RECQL5: variants seen among roughly 807,000 people sequenced by gnomAD.
The protein encoded by RECQL5 is RecQ like helicase 5.
A neutral mutation model predicts 103.4 loss-of-function variants in RECQL5; 88 were observed. The observed-to-expected ratio is 0.85, with a 90% CI of 0.72 to 1.02. RECQL5 has a LOEUF of 1.02. Ranked by LOEUF, RECQL5 falls within the 50% of genes least tolerant of loss-of-function variation. RECQL5 has a pLI of 0.00. For missense variants in RECQL5, 1,232 were observed against 1,284.3 expected, an observed-to-expected ratio of 0.96 and a Z score of 0.62; for synonymous variants, 552 against 507.9, an observed-to-expected ratio of 1.09 and a Z score of -1.17.
In RECQL5 at chr17:75,666,537, G is replaced by C. The variant is rs1309853679; in HGVS notation, c.21C>G (p.Thr7=). The C allele has an allele frequency of 3.1e-6, 5 of 1,614,096 alleles. No individual in the cohort carries two copies. Among genetic ancestry groups the C allele is most frequent in the Non-Finnish European group, 4.2e-6 (5 of 1,180,024 alleles). Residue 7 remains threonine (T), a synonymous_variant, in exon 2 of 20, where the codon ACC becomes ACG. Coordinates refer to ENST00000317905, the MANE Select transcript of RECQL5 (RefSeq NM_004259.7). MSSHHT[T]FPFDPERRVR... is the part of the protein sequence containing the mutation. ...CTCGCCGCTCAGGGTCAAAAGGAAA[G>C]GTGGTATGGTGGCTGCTCATCTTAG...
intron 4 of RECQL5, among the ~76,000 whole-genome samples, 186 bp downstream of exon 4, chr17:75,662,293 G>C (rs2059709934): frequency 1.3e-5 from 2 of 152,246 alleles, no homozygotes; most frequent in Non-Finnish European, 2.9e-5. Context: ...ACAGGATCCA[G>C]AACAAGGAAA....
At chr17:75,665,376 T>C (rs1439281684) in intron 2 of RECQL5, among the ~76,000 whole-genome samples, 2 of 152,156 alleles carry the variant, frequency 1.3e-5, no homozygotes, top group African/African-American at 4.8e-5. Flanking sequence ...AAACCATTTC[T>C]AGTAATGGTT....
At chr17:75,630,574 A>G (rs765095590) in intron 13 of RECQL5, 45 bp downstream of exon 13, 93 of 1,587,448 alleles carry the variant, frequency 5.9e-5, no homozygotes, top group Non-Finnish European at 7.3e-5. Flanking sequence ...CTCCAAGGGA[A>G]CGAGAGCTTG....
At chr17:75,666,847 A>C in intron 1 of RECQL5, 197 bp downstream of exon 1, 1 of 347,078 alleles carries the variant, frequency 2.9e-6, no homozygotes, top group Non-Finnish European at 5.3e-6. Flanking sequence ...AAGAAACATA[A>C]ATGTCTTCAG....
At chr17:75,644,294 G>C (rs2059464467) in intron 8 of RECQL5, among the ~76,000 whole-genome samples, 1 of 152,224 alleles carries the variant, frequency 6.6e-6, no homozygotes. Flanking sequence ...GACAGAGTGA[G>C]ATTCCGTCTC....
rs750425166 is a variant in RECQL5, at chr17:75,630,840, G to GT, written c.1586-4dup. 47 of 1,435,688 alleles carry GT rather than the reference G, an allele frequency of 3.3e-5. No homozygotes were observed. Among genetic ancestry groups the GT allele is most frequent in the South Asian group, 1.4e-4 (10 of 73,366 alleles). The allele number at this position is 1,435,688 out of a possible 1,614,324, so 88.9% of individuals were successfully genotyped here. On this transcript the variant is annotated splice_region_variant and splice_polypyrimidine_tract_variant and intron_variant, in intron 11 of 19. Coordinates refer to ENST00000317905, the MANE Select transcript of RECQL5 (RefSeq NM_004259.7). Reference sequence around the variant, plus strand: ...CTCTTTCAGGGGACAGTTCTCATCTGTGGGGGGGGGGGGTGGTCCTTGGTC... The same window carrying GT: ...CTCTTTCAGGGGACAGTTCTCATCTGTTGGGGGGGGGGGGTGGTCCTTGGTC...
chr17:75,629,865 G>A (rs2059173574), intron 14 of RECQL5, 23 bp from the exon 15 acceptor site: 6 of 1,564,098 alleles, frequency 3.8e-6, no homozygotes, highest in Non-Finnish European at 5.2e-6. Flanking sequence ...AGGCAGGGAG[G>A]CTGTGGCACC....
In RECQL5 at chr17:75,662,500, A is replaced by C; in HGVS notation, c.750T>G (p.Leu250=). ...TCACCCCTTTATCAGCCTCCTGTCC[A>C]AGAGCCTTAAGGCAGAAGTCCTTCA... ...GNLKDFCLKA[L]GQEADKGLSG... is the part of the protein sequence containing the mutation. The change falls in exon 4 of 20, where the codon CTT becomes CTG. Residue 250 remains leucine, a synonymous_variant. Coordinates refer to ENST00000317905, the MANE Select transcript of RECQL5 (RefSeq NM_004259.7). 1.2e-6 allele frequency: 2 copies of C among 1,613,912 alleles called. No homozygotes were observed.
chr17:75,630,523 G>A (rs1238456156), intron 13 of RECQL5, 96 bp downstream of exon 13: 6 of 1,293,140 alleles, frequency 4.6e-6, no homozygotes, highest in Non-Finnish European at 6.7e-6. Context: ...AATCTGGGGA[G>A]AGGTGGCCCA....
rs747502520 is a variant in RECQL5, at chr17:75,630,846, G to GT, written c.1586-10_1586-9insA. ...CAGGGGACAGTTCTCATCTGTGGGG[G>GT]GGGGGGGTGGTCCTTGGTCCTTTCG... On this transcript the variant is annotated splice_polypyrimidine_tract_variant and intron_variant, in intron 11 of 19. Coordinates refer to ENST00000317905, the MANE Select transcript of RECQL5 (RefSeq NM_004259.7). 4 of 1,453,524 alleles carry GT rather than the reference G, an allele frequency of 2.8e-6. No homozygotes were observed. Among genetic ancestry groups the GT allele is most frequent in the Admixed American group, 2.1e-5 (1 of 46,962 alleles). The allele number at this position is 1,453,524 out of a possible 1,614,324, so 90.0% of individuals were successfully genotyped here. A position where few individuals can be genotyped will look rare whatever the true frequency, so the allele number is the denominator to read the frequency against.
chr17:75,628,883 G>A, intron 16 of RECQL5, 51 bp downstream of exon 16: 10 of 1,584,122 alleles, frequency 6.3e-6, no homozygotes, highest in Non-Finnish European at 8.5e-6. Context: ...TGAGCAAAGG[G>A]GATGCTGCCG....
intron 7 of RECQL5, 90 bp from the exon 8 acceptor site, chr17:75,651,355 C>T (rs1425112215): frequency 2.0e-6 from 3 of 1,465,948 alleles, no homozygotes; most frequent in South Asian, 1.1e-5. Flanking sequence ...AGTGCGGTGG[C>T]TCACGGCTGT....
intron 6 of RECQL5, among the ~76,000 whole-genome samples, chr17:75,660,320 T>C (rs2059682908): frequency 6.6e-6 from 1 of 152,252 alleles, no homozygotes; most frequent in Non-Finnish European, 1.5e-5. Flanking sequence ...TCCACCTGCC[T>C]TGGCTTCCCA....
intron 7 of RECQL5, among the ~76,000 whole-genome samples, chr17:75,656,830 T>C (rs1670964): frequency 0.97 from 145,330 of 150,178 alleles, 70,440 homozygotes; most frequent in East Asian, 1. Context: ...CTGCAAGCTC[T>C]GCCTCCTGGG....
chr17:75,628,172 C>T (rs779144488), intron 18 of RECQL5, 46 bp downstream of exon 18: 3 of 1,533,446 alleles, frequency 2.0e-6, no homozygotes, highest in Admixed American at 1.7e-5. Flanking sequence ...ACTACACCCA[C>T]ATACCCCAGG....
chr17:75,627,623 C>T lies in RECQL5; in HGVS notation c.2875G>A (p.Val959Met), dbSNP rs199567243. The change falls in exon 19 of 20, where the codon GTG (valine) becomes ATG (methionine). Residue 959 changes from valine to methionine, a missense_variant and splice_region_variant. Transcript: ENST00000317905. ...LTQKTSPGRS[V>M]KEEAQNLIRH... is the part of the protein sequence containing the mutation. ...TGGCCCTGGCAATGCCAGCGCTCACCGCTCCTTCCAGGAGAGGTCTTCTGA... is the reference window on the plus strand; with the variant it reads ...TGGCCCTGGCAATGCCAGCGCTCACTGCTCCTTCCAGGAGAGGTCTTCTGA... 1.1e-4 allele frequency: 171 copies of T among 1,613,126 alleles called. No individual in the cohort carries two copies. Among genetic ancestry groups the T allele is most frequent in the African/African-American group, 6.9e-4 (52 of 74,938 alleles).
Position 75,628,666 on chromosome 17 carries a change from C to A in RECQL5, c.2580+6G>T, listed in dbSNP as rs376300312. On this transcript the variant is annotated splice_donor_region_variant and intron_variant, in intron 17 of 19. Coordinates refer to ENST00000317905, the MANE Select transcript of RECQL5 (RefSeq NM_004259.7). Reference sequence around the variant, plus strand: ...TCCTCCCCAACAGACTCATCCCTGCCGGCACCTGCTGGGATCGAGGCCGCT... The same window carrying A: ...TCCTCCCCAACAGACTCATCCCTGCAGGCACCTGCTGGGATCGAGGCCGCT... 1.3e-6 allele frequency: 2 copies of A among 1,582,762 alleles called. No homozygotes were observed. Among genetic ancestry groups the A allele is most frequent in the African/African-American group, 1.4e-5 (1 of 72,984 alleles).
In RECQL5 at chr17:75,630,280, G is replaced by A. The variant is rs575114218; in HGVS notation, c.1719-3C>T. The A allele has an allele frequency of 1.9e-6, 3 of 1,552,494 alleles. No homozygotes were observed. In the African/African-American group the frequency reaches 4.1e-5, roughly 21 times the overall value. ...CGGCCTTGGCCCGGAGGTCAGCTCT[G>A]TGGGTGCAAGGTAACAGGCACAAGG... On this transcript the variant is annotated splice_polypyrimidine_tract_variant and splice_region_variant and intron_variant, in intron 13 of 19. Coordinates refer to ENST00000317905, the MANE Select transcript of RECQL5 (RefSeq NM_004259.7).
chr17:75,650,379 C>G (rs967699868), intron 8 of RECQL5: 2 of 1,184,990 alleles, frequency 1.7e-6, no homozygotes, highest in Non-Finnish European at 2.1e-6. Context: ...GATTTCCTCG[C>G]TTTTTTCTTG....
Sources: allele counts gnomAD v4.1 joint callset (sites outside exome capture counted in the v4.1 genomes callset), GRCh38; gene constraint gnomAD v4.1.1; transcripts MANE v1.5; gene names NCBI Gene and HGNC (gene_info 2026-07-23, HGNC 2026-07-21).